Variants in ATF6 observed in about 807,000 individuals in gnomAD.
ATF6 encodes activating transcription factor 6, also known as cyclic AMP-dependent transcription factor ATF-6 alpha.
ATF6 carries 53 observed loss-of-function variants against 83.6 expected under a neutral mutation model. The ratio of observed to expected loss-of-function variants is 0.63; its 90% CI spans 0.51 to 0.80. The LOEUF (loss-of-function observed/expected upper bound fraction) is 0.80, where lower values mean the gene tolerates loss of function less well. Among genes scored for constraint, ATF6 ranks in the 30% least tolerant of loss-of-function variants. The pLI, the probability that ATF6 is intolerant of heterozygous loss-of-function variation, is 0.00. For synonymous variants in ATF6, 288 were observed against 285.8 expected, an observed-to-expected ratio of 1.01 and a Z score of -0.08; for missense variants, 744 against 797.9, an observed-to-expected ratio of 0.93 and a Z score of 0.81.
At chr1:161,955,109 GA>G (rs1472170157) in intron 15 of ATF6, among the ~76,000 whole-genome samples, 1 of 152,156 alleles carries the variant, frequency 6.6e-6, no homozygotes, top group African/African-American at 2.4e-5. Context: ...TAAAACCCAT[GA>G]TTTTACTGCT....
rs961831916 is a variant in ATF6, at chr1:161,962,831, C to T, written c.*4177C>T. 1.3e-5 allele frequency: 2 copies of T among 152,192 alleles called. No individual in the cohort carries two copies. The highest frequency in any genetic ancestry group is 1.5e-5 in the Non-Finnish European group (1 of 68,038). The allele number at this position is 152,192 out of a possible 1,614,324, so 9.4% of individuals were successfully genotyped here. On this transcript the variant is annotated 3_prime_UTR_variant, in exon 16 of 16. Transcript: ENST00000367942. ...ATTGTGAATTGCCAAAATTGATAGA[C>T]ACTTATTACCACCTGTGGACTCCAT...
chr1:161,773,102 A>G (rs948900126), intron 1 of ATF6, among the ~76,000 whole-genome samples: 8 of 149,378 alleles, frequency 5.4e-5, no homozygotes, highest in African/African-American at 2.0e-4. Context: ...AGTAGCTGAG[A>G]TTACAGGCGC....
intron 15 of ATF6, among the ~76,000 whole-genome samples, chr1:161,935,303 C>T (rs1032874595): frequency 1.3e-5 from 2 of 152,152 alleles, no homozygotes; most frequent in Non-Finnish European, 2.9e-5. Context: ...CCCTACCATA[C>T]TGTGATATGG....
chr1:161,836,370 CG>C (rs1557987200), intron 9 of ATF6, among the ~76,000 whole-genome samples: 1 of 152,168 alleles, frequency 6.6e-6, no homozygotes, highest in Non-Finnish European at 1.5e-5. Context: ...CAAGTATACA[CG>C]GTTTTGTTCA....
At chr1:161,920,252 T>TA (rs1571237610) in intron 15 of ATF6, among the ~76,000 whole-genome samples, 2 of 149,228 alleles carry the variant, frequency 1.3e-5, no homozygotes, top group African/African-American at 4.9e-5. Flanking sequence ...TTTTAATTTT[T>TA]AAAAAATACA....
intron 9 of ATF6, among the ~76,000 whole-genome samples, chr1:161,840,998 G>A (rs763096559): frequency 2.6e-5 from 4 of 152,130 alleles, no homozygotes; most frequent in South Asian, 2.1e-4. Flanking sequence ...CACCAAATGC[G>A]CATTCATTAT....
intron 7 of ATF6, among the ~76,000 whole-genome samples, chr1:161,818,670 A>G (rs1054377403): frequency 2.2e-4 from 33 of 152,250 alleles, no homozygotes; most frequent in Admixed American, 2.0e-4. Context: ...GAAATAAACA[A>G]TGCGAATAAG....
rs370329564 is a variant in ATF6, at chr1:161,815,801, A to G, written c.910-3832A>G. ...CTACAAAAAAATAAACTAGCCAGGC[A>G]CGGTAGCATGCACCTGTAGTCCCAG... On this transcript the variant is annotated intron_variant, in intron 7 of 15. Coordinates refer to ENST00000367942, the MANE Select transcript of ATF6 (RefSeq NM_007348.4). Among the ~76,000 whole-genome samples the G allele has an allele frequency of 1.2e-4, 18 of 152,248 alleles. No homozygotes were observed. The East Asian group carries it at 3.5e-3, about 29-fold the overall frequency.
intron 4 of ATF6, among the ~76,000 whole-genome samples, chr1:161,786,630 A>G (rs1446415114): frequency 6.6e-6 from 1 of 151,960 alleles, no homozygotes; most frequent in African/African-American, 2.4e-5. Flanking sequence ...AAGTGTTGTG[A>G]GTACCTTGCA....
intron 15 of ATF6, among the ~76,000 whole-genome samples, chr1:161,951,216 A>T (rs973355211): frequency 1.3e-5 from 2 of 152,254 alleles, no homozygotes; most frequent in African/African-American, 4.8e-5. Context: ...GTTGATGGTT[A>T]TGAATTCAAC....
chr1:161,854,279 C>T (rs1686706825), intron 12 of ATF6, among the ~76,000 whole-genome samples: 1 of 152,148 alleles, frequency 6.6e-6, no homozygotes, highest in Non-Finnish European at 1.5e-5. Context: ...TTGCTTTTCT[C>T]CAAGCAGGGA....
At chr1:161,848,821 C>CT (rs1299368318) in intron 10 of ATF6, among the ~76,000 whole-genome samples, 2 of 152,082 alleles carry the variant, frequency 1.3e-5, no homozygotes, top group Non-Finnish European at 2.9e-5. Context: ...GACTCGAACT[C>CT]TGACTGTTCC....
rs557779409 is a variant in ATF6 at position 161,852,372 on chromosome 1, G to A, written c.1433+537G>A. 4.6e-3 allele frequency among the ~76,000 whole-genome samples: 696 copies of A among 152,204 alleles called. 5 individuals are homozygous for A. The highest frequency in any genetic ancestry group is 6.6e-3 in the Non-Finnish European group (452 of 68,012). ...GCTGTAAAAAGTAAGCAAAATAAGG[G>A]AAGTTATATATGAGCTATGCTTTTA... is the stretch of plus-strand genomic sequence containing the variant. On this transcript the variant is annotated intron_variant, in intron 11 of 15. Transcript: ENST00000367942.
At chr1:161,771,730 C>G (rs1423456352) in intron 1 of ATF6, among the ~76,000 whole-genome samples, 1 of 152,190 alleles carries the variant, frequency 6.6e-6, no homozygotes, top group Non-Finnish European at 1.5e-5. Context: ...CCTCCTGCCT[C>G]AGCCTCCCGA....
chr1:161,768,965 A>T (rs1403757107), intron 1 of ATF6, among the ~76,000 whole-genome samples: 2 of 152,226 alleles, frequency 1.3e-5, no homozygotes, highest in Non-Finnish European at 2.9e-5. Context: ...AAATAATTTA[A>T]ATAAAGTGAT....
At chr1:161,893,473 C>G (rs114193259) in intron 14 of ATF6, among the ~76,000 whole-genome samples, 1,982 of 152,248 alleles carry the variant, frequency 0.013, 48 homozygotes, top group African/African-American at 0.044. Flanking sequence ...GCCACGGAAA[C>G]TTTATTTTCA....
At chr1:161,865,332 G>T (rs976536297) in intron 14 of ATF6, among the ~76,000 whole-genome samples, 2 of 151,976 alleles carry the variant, frequency 1.3e-5, no homozygotes, top group Non-Finnish European at 2.9e-5. Flanking sequence ...GCTAATTTTT[G>T]TGTTTTTAGT....
intron 12 of ATF6, among the ~76,000 whole-genome samples, chr1:161,853,951 AT>A (rs1686700720): frequency 6.6e-6 from 1 of 152,220 alleles, no homozygotes; most frequent in African/African-American, 2.4e-5. Flanking sequence ...AGTAATGGGT[AT>A]GATAAAGTCC....
intron 1 of ATF6, among the ~76,000 whole-genome samples, chr1:161,770,658 G>A (rs1684362808): frequency 6.6e-6 from 1 of 152,142 alleles, no homozygotes; most frequent in Admixed American, 6.5e-5. Flanking sequence ...TGGGGTTAGG[G>A]CTTCAACATA....
Sources: allele counts gnomAD v4.1 joint callset (sites outside exome capture counted in the v4.1 genomes callset), GRCh38; gene constraint gnomAD v4.1.1; transcripts MANE v1.5; gene names NCBI Gene and HGNC (gene_info 2026-07-23, HGNC 2026-07-21).